The following YDJC variants were observed in gnomAD, a reference collection of about 807,000 sequenced individuals.
YDJC encodes carbohydrate deacetylase.
A neutral mutation model predicts 18.9 loss-of-function variants in YDJC; 23 were observed. The observed-to-expected ratio is 1.22, with a 90% CI of 0.87 to 1.72. The LOEUF is 1.72. Among genes scored for constraint, YDJC ranks in the 40% most tolerant of loss-of-function variants. The pLI is 0.00. For synonymous variants in YDJC, 224 were observed against 217.6 expected (o/e 1.03, Z -0.26); for missense variants, 467 against 470.8 (o/e 0.99, Z 0.07).
At position 21,628,938 on chromosome 22, in the gene YDJC, A is replaced by C. The variant is rs1029871769; in HGVS notation, c.602+72T>G. The stretch of plus-strand genomic sequence containing the variant: ...CGCTTCCGGGTTGAGAAACGGACAC[A>C]GCTAGCCAGGTGAACAGCCAGTGCG... On this transcript the variant is annotated intron_variant, in intron 4 of 4. Coordinates refer to ENST00000292778, the MANE Select transcript of YDJC (RefSeq NM_001017964.2). 119 of 1,433,564 alleles carry C rather than the reference A, an allele frequency of 8.3e-5. 2 individuals are homozygous for C. The East Asian group carries it at 2.4e-3, about 29-fold the overall frequency. The allele number at this position is 1,433,564 out of a possible 1,614,324, so 88.8% of individuals were successfully genotyped here.
At chr22:21,629,464 T>C in intron 2 of YDJC, 57 bp from the exon 3 acceptor site, 1 of 1,536,228 alleles carries the variant, frequency 6.5e-7, no homozygotes, top group Non-Finnish European at 8.8e-7. Context: ...GAGGATACCC[T>C]CCTCGTGCTT....
Position 21,628,750 on chromosome 22 carries a change from G to T in YDJC, c.640C>A (p.Arg214=). Residue 214 remains arginine, a synonymous_variant, in exon 5 of 5, where the codon CGG becomes AGG. Transcript: ENST00000292778. ...DAFVGLSTCG[R]HMSAHRVSGA... ...GACACGCGGTGAGCGGACATGTGCC[G>T]GCCGCAAGTGCTCAGGCCCACGAAG... 1 of 1,508,006 alleles carries T rather than the reference G, an allele frequency of 6.6e-7. No individual in the cohort carries two copies. The highest frequency in any genetic ancestry group is 8.9e-7 in the Non-Finnish European group (1 of 1,126,302). 93.4% of individuals were successfully genotyped at this position (1,508,006 alleles called of 1,614,324 possible). A position where few individuals can be genotyped will look rare whatever the true frequency, so the allele number is the denominator to read the frequency against.
intron 1 of YDJC, 25 bp downstream of exon 1, chr22:21,629,826 G>A (rs746979196): frequency 2.0e-6 from 3 of 1,507,288 alleles, no homozygotes; most frequent in Admixed American, 2.3e-5. Flanking sequence ...GCCGATCGCC[G>A]CCCTGCTAGA....
At position 21,629,295 on chromosome 22, in the gene YDJC, A is replaced by G. The variant is rs1383390903; in HGVS notation, c.424+13T>C. 1.9e-6 allele frequency: 3 copies of G among 1,550,252 alleles called. No individual in the cohort carries two copies. The highest frequency in any genetic ancestry group is 2.6e-6 in the Non-Finnish European group (3 of 1,146,848). ...GAGTAACGCCCTCCAAACTGGGATCACTAACCACGCACCTGGGAGCACGTG... is the reference window on the plus strand; with the variant it reads ...GAGTAACGCCCTCCAAACTGGGATCGCTAACCACGCACCTGGGAGCACGTG... On this transcript the variant is annotated intron_variant, in intron 3 of 4. Coordinates refer to ENST00000292778, the MANE Select transcript of YDJC (RefSeq NM_001017964.2).
intron 2 of YDJC, 45 bp from the exon 3 acceptor site, chr22:21,629,452 C>A: frequency 6.5e-7 from 1 of 1,534,132 alleles, no homozygotes; most frequent in East Asian, 2.4e-5. Context: ...GGAGTAGCTG[C>A]CGAGGATACC....
Position 21,629,693 on chromosome 22 carries a change from C to T in YDJC, c.233G>A (p.Gly78Asp). Residue 78 changes from glycine to aspartate, a missense_variant, in exon 2 of 5, where the codon GGC (glycine) becomes GAC (aspartate). By Grantham distance (94) the Gly-to-Asp change is moderately conservative. Coordinates refer to ENST00000292778, the MANE Select transcript of YDJC (RefSeq NM_001017964.2). ...TTCCGGGCCGAGCAGCGATGAGGCG[C>T]CACGGCGGGCCGGACCCACGGGGCG... ...EGRPVGPARR[G>D]ASSLLGPEGF... The T allele has an allele frequency of 6.3e-7, 1 of 1,599,196 alleles. No individual in the cohort carries two copies. Among genetic ancestry groups the T allele is most frequent in the Middle Eastern group, 1.7e-4 (1 of 6,038 alleles).
rs1369390861 is a variant in YDJC, at chr22:21,629,757, T to G, written c.169A>C (p.Ser57Arg). 4.0e-6 allele frequency: 6 copies of G among 1,499,226 alleles called. No homozygotes were observed. Among genetic ancestry groups the G allele is most frequent in the Non-Finnish European group, 4.4e-6 (5 of 1,127,070 alleles). 92.9% of individuals were successfully genotyped at this position (1,499,226 alleles called of 1,614,324 possible). A position where few individuals can be genotyped will look rare whatever the true frequency, so the allele number is the denominator to read the frequency against. Residue 57 changes from serine (S) to arginine (R), a missense_variant, in exon 2 of 5, where the codon AGC (serine) becomes CGC (arginine). Transcript: ENST00000292778. ...ESAAELARRH[S>R]IPTGLHANLS... ...TTGGCGTGGAGGCCCGTGGGGATGC[T>G]GTGCCTGAGGGCGGAGCGCGAGCTG...
At position 21,628,105 on chromosome 22, in the gene YDJC, T is replaced by G. The variant is rs1930311560; in HGVS notation, c.*313A>C. 4 of 259,882 alleles carry G rather than the reference T, an allele frequency of 1.5e-5. No individual in the cohort carries two copies. In the East Asian group the frequency reaches 2.7e-4, roughly 17 times the overall value. The allele number at this position is 259,882 out of a possible 1,614,324, so 16.1% of individuals were successfully genotyped here. ...CCACCCAAGTTTGAAAGACACACGT[T>G]ATTTTATTAATATAGCCATCTCTCC... On this transcript the variant is annotated 3_prime_UTR_variant, in exon 5 of 5. Coordinates refer to ENST00000292778, the MANE Select transcript of YDJC (RefSeq NM_001017964.2).
At chr22:21,629,520 A>G (rs769811081) in intron 2 of YDJC, 82 bp downstream of exon 2, 1 of 1,595,792 alleles carries the variant, frequency 6.3e-7, no homozygotes, top group Non-Finnish European at 8.5e-7. Context: ...ATCCACCGCC[A>G]GCTCCTAACG....
At position 21,629,141 on chromosome 22, in the gene YDJC, G is replaced by A. The variant is rs1930378036; in HGVS notation, c.471C>T (p.Arg157=). The A allele has an allele frequency of 3.2e-6, 5 of 1,540,112 alleles. No individual in the cohort carries two copies. Among genetic ancestry groups the A allele is most frequent in the Non-Finnish European group, 3.5e-6 (4 of 1,146,434 alleles). The change falls in exon 4 of 5, where the codon CGC becomes CGT. Residue 157 remains arginine, a synonymous_variant. Transcript: ENST00000292778. ...FAEALQAYGV[R]FTRLPLERGV... ...CGCGCTCCAGCGGCAGTCGCGTAAA[G>A]CGCACCCCATAGGCCTGCAGCGCCT...
chr22:21,628,643 G>T lies in YDJC; in HGVS notation c.747C>A (p.Pro249=). The stretch of plus-strand genomic sequence containing the variant: ...CGCAGCCGCCGGTGGGAGGCACACT[G>T]GGGTAGCCGGGGTGCGCCATCAGCT... ...TAELMAHPGY[P]SVPPTGGCGE... The change falls in exon 5 of 5, where the codon CCC becomes CCA. Residue 249 remains proline (P), a synonymous_variant. Transcript: ENST00000292778. The T allele has an allele frequency of 1.3e-6, 2 of 1,583,942 alleles. No individual in the cohort carries two copies. The highest frequency in any genetic ancestry group is 2.3e-5 in the East Asian group (1 of 43,072).
Position 21,628,224 on chromosome 22 carries a change from C to T in YDJC, c.*194G>A, listed in dbSNP as rs935987396. 3 of 760,562 alleles carry T rather than the reference C, an allele frequency of 3.9e-6. No homozygotes were observed. Among genetic ancestry groups the T allele is most frequent in the Non-Finnish European group, 5.7e-6 (3 of 526,172 alleles). 47.1% of individuals were successfully genotyped at this position (760,562 alleles called of 1,614,324 possible). A position where few individuals can be genotyped will look rare whatever the true frequency, so the allele number is the denominator to read the frequency against. ...GCCCGCTGCCACAGGCTAGGCCTGC[C>T]TGCAGCCAAGAAGGCTGCTCAAACT... is the stretch of plus-strand genomic sequence containing the variant. On this transcript the variant is annotated 3_prime_UTR_variant, in exon 5 of 5. Coordinates refer to ENST00000292778, the MANE Select transcript of YDJC (RefSeq NM_001017964.2).
In YDJC at chr22:21,629,917, G is replaced by A; in HGVS notation, c.98C>T (p.Ala33Val). The A allele has an allele frequency of 6.2e-7, 1 of 1,601,374 alleles. No individual in the cohort carries two copies. The highest frequency in any genetic ancestry group is 2.3e-5 in the East Asian group (1 of 44,126). The change falls in exon 1 of 5, where the codon GCT (alanine) becomes GTT (valine). Residue 33 changes from alanine to valine, a missense_variant. Physicochemically the swap from Ala to Val is moderately conservative, Grantham distance 64 (BLOSUM62 0). Transcript: ENST00000292778. ...EGIVEAFLAG[A>V]VTSVSLLVNG... Reference sequence around the variant, plus strand: ...GACCAGCAGGGACACGCTGGTCACAGCCCCGGCCAGAAAGGCCTCCACGAT... The same window carrying A: ...GACCAGCAGGGACACGCTGGTCACAACCCCGGCCAGAAAGGCCTCCACGAT...
chr22:21,630,009 G>T lies in YDJC; in HGVS notation c.6C>A (p.Ser2=). ...TGACCACCAGGCGCATGCGAGGGCG[G>T]GACATGGCCGCCTGGGTCCACCGCT... M[S]RPRMRLVVTA... is the part of the protein sequence containing the mutation. Residue 2 remains serine, a synonymous_variant, in exon 1 of 5, where the codon TCC becomes TCA. Transcript: ENST00000292778. 6.3e-7 allele frequency: 1 copy of T among 1,594,510 alleles called. No homozygotes were observed. Among genetic ancestry groups the T allele is most frequent in the Non-Finnish European group, 8.5e-7 (1 of 1,175,430 alleles).
At chr22:21,629,532 C>A (rs1191511575) in intron 2 of YDJC, 70 bp downstream of exon 2, 1 of 1,605,214 alleles carries the variant, frequency 6.2e-7, no homozygotes, top group Non-Finnish European at 8.5e-7. Context: ...CTCCTAACGG[C>A]CTCACAGTAC....
At position 21,629,247 on chromosome 22, in the gene YDJC, C is replaced by A. The variant is rs559529350; in HGVS notation, c.425-60G>T. 3.9e-6 allele frequency: 6 copies of A among 1,549,810 alleles called. No homozygotes were observed. In the South Asian group the frequency reaches 5.9e-5, roughly 15 times the overall value. Reference sequence around the variant, plus strand: ...TTTCACCTGGGGGCATCGAACTTCCCCTACTCCCCCAGCCCCGCCTGGGAG... The same window carrying A: ...TTTCACCTGGGGGCATCGAACTTCCACTACTCCCCCAGCCCCGCCTGGGAG... On this transcript the variant is annotated intron_variant, in intron 3 of 4. Transcript: ENST00000292778.
chr22:21,628,542 C>G lies in YDJC; in HGVS notation c.848G>C (p.Arg283Pro), dbSNP rs1243590289. The G allele has an allele frequency of 1.4e-5, 23 of 1,611,754 alleles. No homozygotes were observed. The East Asian group carries it at 5.1e-4, about 36-fold the overall frequency. ...CACGCCATCCTGGGCAAGCTGGGCC[C>G]GCAGCGTGGGCGCGGTGAGGACGCG... ...ELRVLTAPTLRAQLAQDGVQL... is the reference protein window; with the variant it reads ...ELRVLTAPTLPAQLAQDGVQL... Residue 283 changes from arginine (R) to proline (P), a missense_variant, in exon 5 of 5, where the codon CGG becomes CCG. Physicochemically the swap from Arg to Pro is moderately radical, Grantham distance 103. Transcript: ENST00000292778.
intron 4 of YDJC, 32 bp downstream of exon 4, chr22:21,628,978 G>A (rs1289659622): frequency 6.2e-6 from 9 of 1,447,776 alleles, no homozygotes; most frequent in Admixed American, 2.8e-5. Context: ...GACAGAGGCA[G>A]CTATGGTAGG....
Position 21,629,076 on chromosome 22 carries a change from G to A in YDJC, c.536C>T (p.Ala179Val), listed in dbSNP as rs1192312437. 1 of 1,533,866 alleles carries A rather than the reference G, an allele frequency of 6.5e-7. No homozygotes were observed. Among genetic ancestry groups the A allele is most frequent in the Non-Finnish European group, 8.7e-7 (1 of 1,145,004 alleles). The change falls in exon 4 of 5, where the codon GCC becomes GTC. Residue 179 changes from alanine (A) to valine (V), a missense_variant. By Grantham distance (64) the Ala-to-Val change is moderately conservative. Coordinates refer to ENST00000292778, the MANE Select transcript of YDJC (RefSeq NM_001017964.2). ...GCTWLEAPAR[A>V]FACAVERDAR... is the part of the protein sequence containing the mutation. ...GTCGCGCTCCACGGCGCAGGCGAAG[G>A]CACGCGCGGGGGCCTCCAGCCAAGT... is the stretch of plus-strand genomic sequence containing the variant.
Sources: allele counts gnomAD v4.1 joint callset, GRCh38; gene constraint gnomAD v4.1.1; transcripts MANE v1.5; gene names NCBI Gene and HGNC (gene_info 2026-07-23, HGNC 2026-07-21).